The following CRB1 variants were observed in gnomAD, a reference collection of about 807,000 sequenced individuals.
CRB1 encodes the protein protein crumbs homolog 1.
A neutral mutation model predicts 120.0 loss-of-function variants in CRB1; 83 were observed. The ratio of observed to expected loss-of-function variants is 0.69; its 90% CI spans 0.58 to 0.83. The LOEUF (loss-of-function observed/expected upper bound fraction) is 0.83. Among genes scored for constraint, CRB1 ranks in the 40% least tolerant of loss-of-function variants. The pLI is 0.00. For missense variants in CRB1, 1,699 were observed against 1,687.6 expected (o/e 1.01, Z -0.12); for synonymous variants, 625 against 612.5 (o/e 1.02, Z -0.30).
At chr1:197,302,591 C>A (rs1656933156) in intron 1 of CRB1, among the ~76,000 whole-genome samples, 1 of 152,074 alleles carries the variant, frequency 6.6e-6, no homozygotes, top group Admixed American at 6.6e-5. Flanking sequence ...CAATGGTGAG[C>A]TAAATGTTAG....
chr1:197,292,373 C>T (rs1253243271), intron 1 of CRB1, among the ~76,000 whole-genome samples: 1 of 151,830 alleles, frequency 6.6e-6, no homozygotes, highest in Non-Finnish European at 1.5e-5. Flanking sequence ...AAGTTGAATC[C>T]CTGAATAGAC....
intron 8 of CRB1, among the ~76,000 whole-genome samples, chr1:197,431,951 ATATTGAAAAGAT>A (rs1664889062): frequency 6.6e-6 from 1 of 152,172 alleles, no homozygotes; most frequent in Non-Finnish European, 1.5e-5. Context: ...CAACTAAAAT[ATATTGAAAAGAT>A]TAAGTCTAAT....
At chr1:197,469,618 TAA>T in intron 11 of CRB1, among the ~76,000 whole-genome samples, 1 of 151,296 alleles carries the variant, frequency 6.6e-6, no homozygotes, top group Non-Finnish European at 1.5e-5. Context: ...TAAAATGAAA[TAA>T]AGAGAAGAAA....
chr1:197,404,085 T>G (rs141411440), intron 5 of CRB1, among the ~76,000 whole-genome samples: 2 of 152,350 alleles, frequency 1.3e-5, no homozygotes, highest in Non-Finnish European at 2.9e-5. Flanking sequence ...TATAGTCCTC[T>G]GTTGCTTTTG....
At chr1:197,243,930 G>A in the CRB1 span, among the ~76,000 whole-genome samples, 1 of 151,948 alleles carries the variant, frequency 6.6e-6, no homozygotes, top group South Asian at 2.1e-4. Flanking sequence ...TTATGTAATG[G>A]CCTTCTTTGT....
intron 5 of CRB1, among the ~76,000 whole-genome samples, chr1:197,410,712 T>G (rs2821132): frequency 0.84 from 127,830 of 152,200 alleles, 54,063 homozygotes; most frequent in African/African-American, 0.94. Flanking sequence ...TAGAAATTAT[T>G]CATGCGGCAT....
chr1:197,261,739 T>C, the CRB1 span, among the ~76,000 whole-genome samples: 2 of 152,186 alleles, frequency 1.3e-5, no homozygotes, highest in Non-Finnish European at 2.9e-5. Context: ...TTTATAATTA[T>C]GTAATTAACA....
intron 11 of CRB1, among the ~76,000 whole-genome samples, chr1:197,445,437 A>G (rs1006493295): frequency 6.6e-6 from 1 of 152,170 alleles, no homozygotes; most frequent in Admixed American, 6.5e-5. Flanking sequence ...AACTAAGTTC[A>G]ATTAACACCA....
At chr1:197,219,885 T>C in the CRB1 span, among the ~76,000 whole-genome samples, 1 of 152,230 alleles carries the variant, frequency 6.6e-6, no homozygotes, top group African/African-American at 2.4e-5. Context: ...TCTGTGTCAG[T>C]GGCACTCACT....
At chr1:197,446,184 T>C (rs1201909229) in intron 11 of CRB1, among the ~76,000 whole-genome samples, 3 of 106,978 alleles carry the variant, frequency 2.8e-5, no homozygotes, top group Admixed American at 1.0e-4. Context: ...AGTGAGACTT[T>C]GTCTCAAAAA....
At chr1:197,335,920 C>G (rs201280667) in intron 2 of CRB1, among the ~76,000 whole-genome samples, 2 of 72,628 alleles carry the variant, frequency 2.8e-5, no homozygotes, top group Non-Finnish European at 7.5e-5. Context: ...TCTCTCTCTG[C>G]CCTCTATTGC....
chr1:197,367,132 C>T (rs1036677517), intron 5 of CRB1, among the ~76,000 whole-genome samples: 1 of 152,116 alleles, frequency 6.6e-6, no homozygotes, highest in Non-Finnish European at 1.5e-5. Flanking sequence ...TCAGTCCATT[C>T]CAAAGTCAGT....
intron 1 of CRB1, among the ~76,000 whole-genome samples, chr1:197,272,268 T>A (rs1471722973): frequency 6.6e-6 from 1 of 152,142 alleles, no homozygotes; most frequent in Non-Finnish European, 1.5e-5. Context: ...GCCTACCTAA[T>A]TATTAGTGTG....
intron 1 of CRB1, among the ~76,000 whole-genome samples, chr1:197,306,270 G>T (rs1657170508): frequency 6.6e-6 from 1 of 152,120 alleles, no homozygotes; most frequent in African/African-American, 2.4e-5. Context: ...GTCCCAGGTG[G>T]TCTGAGGGAA....
At chr1:197,442,562 T>A in intron 11 of CRB1, 1 of 1,416,356 alleles carries the variant, frequency 7.1e-7, no homozygotes, top group Non-Finnish European at 9.2e-7. Flanking sequence ...TTTAAACATA[T>A]CAGAAGCACT....
At chr1:197,224,660 T>G in the CRB1 span, among the ~76,000 whole-genome samples, 49 of 152,174 alleles carry the variant, frequency 3.2e-4, 1 homozygote, top group Non-Finnish European at 8.8e-5. Flanking sequence ...GGATACCATA[T>G]ATGACTTTCT....
intron 6 of CRB1, among the ~76,000 whole-genome samples, chr1:197,422,512 G>T (rs896850088): frequency 5.4e-5 from 8 of 149,422 alleles, no homozygotes; most frequent in African/African-American, 2.0e-4. Flanking sequence ...AGGTTGCCCT[G>T]GAGAAGACAG....
At chr1:197,247,429 C>G in the CRB1 span, among the ~76,000 whole-genome samples, 9,530 of 152,052 alleles carry the variant, frequency 0.063, 1,017 homozygotes, top group African/African-American at 0.22. Flanking sequence ...AGACATTGTG[C>G]AAGAAAAGAA....
intron 4 of CRB1, 108 bp from the exon 5 acceptor site, chr1:197,356,723 A>C: frequency 9.0e-7 from 1 of 1,115,216 alleles, no homozygotes; most frequent in Non-Finnish European, 1.3e-6. Flanking sequence ...GGGCAGGCAC[A>C]TCAACTTGCT....
Sources: gnomAD v4.1 joint callset for allele counts (sites outside exome capture counted in the v4.1 genomes callset) on GRCh38, gnomAD v4.1.1 for gene constraint, MANE v1.5 for transcripts, NCBI Gene and HGNC (gene_info 2026-07-23, HGNC 2026-07-21) for gene names.